The following RAPGEF2 variants were observed in gnomAD, a reference collection of about 807,000 sequenced individuals.
RAPGEF2 encodes the protein PDZ domain containing guanine nucleotide exchange factor (GEF) 1.
RAPGEF2 carries 54 observed loss-of-function variants against 186.7 expected under a neutral mutation model. The ratio of observed to expected loss-of-function variants is 0.29; its 90% confidence interval spans 0.23 to 0.36. The LOEUF is 0.36. RAPGEF2 is among the 10% of genes least tolerant of loss of function. RAPGEF2 has a pLI of 1.00. For missense variants in RAPGEF2, 1,532 were observed against 2,045.0 expected (o/e 0.75, Z 4.84); for synonymous variants, 712 against 705.9 (o/e 1.01, Z -0.14).
intron 1 of RAPGEF2, among the ~76,000 whole-genome samples, chr4:159,140,963 C>T (rs1241680850): frequency 2.0e-5 from 3 of 152,008 alleles, no homozygotes; most frequent in Admixed American, 6.6e-5. Flanking sequence ...TTCTGAAGAG[C>T]TGGGACTGGA....
At chr4:159,198,221 CT>C (rs1014954155) in intron 3 of RAPGEF2, among the ~76,000 whole-genome samples, 4 of 149,786 alleles carry the variant, frequency 2.7e-5, no homozygotes, top group African/African-American at 9.8e-5. Context: ...GCGATTCTTT[CT>C]TTTATTTTCT....
chr4:159,186,190 A>C (rs976278647), intron 1 of RAPGEF2, among the ~76,000 whole-genome samples: 2 of 151,828 alleles, frequency 1.3e-5, no homozygotes, highest in African/African-American at 4.8e-5. Flanking sequence ...TATAAGATGT[A>C]ATTTTGGTAA....
rs80253892 is a variant in RAPGEF2, at chr4:159,173,329, A to G, written c.70-13313A>G. On this transcript the variant is annotated intron_variant, in intron 1 of 29. Transcript: ENST00000691494. ...ATTCCGCTTTGCTTTTATTAAGACTATCTAAACTCTACCGTGGTAGGACTA... is the reference window on the plus strand; with the variant it reads ...ATTCCGCTTTGCTTTTATTAAGACTGTCTAAACTCTACCGTGGTAGGACTA... 9.9e-3 allele frequency among the ~76,000 whole-genome samples: 1,505 copies of G among 152,288 alleles called. 29 individuals are homozygous for G. The highest frequency in any genetic ancestry group is 0.035 in the African/African-American group (1,434 of 41,562).
Position 159,141,673 on chromosome 4 carries a change from C to G in RAPGEF2, c.69+37442C>G, listed in dbSNP as rs28493064. Among the ~76,000 whole-genome samples, 1,487 of 152,100 alleles carry G rather than the reference C, an allele frequency of 9.8e-3. 29 individuals are homozygous for G. Among genetic ancestry groups the G allele is most frequent in the African/African-American group, 0.034 (1,414 of 41,494 alleles). ...AGCCTGTACCAGTTTATATTTCCAC[C>G]AACAGTGTATAAAAAGTCCATGCCA... On this transcript the variant is annotated intron_variant, in intron 1 of 29. Transcript: ENST00000691494.
intron 7 of RAPGEF2, among the ~76,000 whole-genome samples, chr4:159,278,686 A>T (rs1759258279): frequency 6.6e-6 from 1 of 152,214 alleles, no homozygotes; most frequent in Non-Finnish European, 1.5e-5. Flanking sequence ...AAAACTCCAG[A>T]ACCAGTAACT....
chr4:159,267,026 A>AG (rs934117520), intron 7 of RAPGEF2: 5 of 398,960 alleles, frequency 1.3e-5, no homozygotes, highest in African/African-American at 1.0e-4. Flanking sequence ...TAAGTAGAGG[A>AG]GGGGGCGAGT....
At chr4:159,124,242 C>T (rs181063442) in intron 1 of RAPGEF2, among the ~76,000 whole-genome samples, 3 of 151,874 alleles carry the variant, frequency 2.0e-5, no homozygotes, top group African/African-American at 7.2e-5. Flanking sequence ...TTTCAGGGCA[C>T]AATATCTAGT....
intron 4 of RAPGEF2, among the ~76,000 whole-genome samples, chr4:159,237,842 T>TAAAAAAAAAAAAAA (rs58593781): frequency 1.5e-5 from 1 of 66,942 alleles, no homozygotes; most frequent in African/African-American, 5.5e-5. Context: ...CTACAAAAAT[T>TAAAAAAAAAAAAAA]AAAAAAAAAA....
At chr4:159,137,519 A>G (rs1741849448) in intron 1 of RAPGEF2, among the ~76,000 whole-genome samples, 1 of 152,194 alleles carries the variant, frequency 6.6e-6, no homozygotes, top group Non-Finnish European at 1.5e-5. Flanking sequence ...ACATGAGATT[A>G]GGGCTTCAGT....
At chr4:159,347,383 G>A (rs1438143379) in intron 25 of RAPGEF2, among the ~76,000 whole-genome samples, 1 of 152,162 alleles carries the variant, frequency 6.6e-6, no homozygotes, top group Non-Finnish European at 1.5e-5. Context: ...ATTGTCTGAA[G>A]GTAAATTCTT....
intron 1 of RAPGEF2, among the ~76,000 whole-genome samples, chr4:159,185,993 C>T (rs948437920): frequency 6.6e-6 from 1 of 152,006 alleles, no homozygotes; most frequent in African/African-American, 2.4e-5. Context: ...AATACTAAAT[C>T]CTTTCTGGCT....
intron 4 of RAPGEF2, among the ~76,000 whole-genome samples, chr4:159,215,380 G>C (rs1750901276): frequency 6.6e-6 from 1 of 151,446 alleles, no homozygotes; most frequent in African/African-American, 2.4e-5. Flanking sequence ...TTCTTGCTGT[G>C]TTGCACAGGC....
chr4:159,294,711 C>T (rs555092952), intron 7 of RAPGEF2, among the ~76,000 whole-genome samples: 78 of 147,486 alleles, frequency 5.3e-4, no homozygotes, highest in Non-Finnish European at 1.0e-3. Context: ...TCTGTCCGTC[C>T]TTCCATCCTT....
chr4:159,259,964 T>G (rs1289182846), intron 7 of RAPGEF2, among the ~76,000 whole-genome samples: 1 of 152,110 alleles, frequency 6.6e-6, no homozygotes, highest in East Asian at 1.9e-4. Context: ...TATTGTCCTA[T>G]TATCACTGTA....
chr4:159,116,294 A>G (rs1739047871), intron 1 of RAPGEF2, among the ~76,000 whole-genome samples: 1 of 151,894 alleles, frequency 6.6e-6, no homozygotes, highest in African/African-American at 2.4e-5. Flanking sequence ...ACAATTCTCA[A>G]AAGAAGACAT....
At chr4:159,313,046 G>A (rs916177786) in intron 8 of RAPGEF2, among the ~76,000 whole-genome samples, 3 of 152,156 alleles carry the variant, frequency 2.0e-5, no homozygotes, top group African/African-American at 4.8e-5. Context: ...TACTCGGGAG[G>A]CTGAGGCATG....
At chr4:159,196,970 A>T (rs1396089335) in intron 3 of RAPGEF2, among the ~76,000 whole-genome samples, 1 of 152,192 alleles carries the variant, frequency 6.6e-6, no homozygotes, top group Non-Finnish European at 1.5e-5. Flanking sequence ...AAGTTAGAGA[A>T]AATTAGCTCA....
At chr4:159,205,016 A>G (rs1432552449) in intron 3 of RAPGEF2, among the ~76,000 whole-genome samples, 6 of 152,350 alleles carry the variant, frequency 3.9e-5, no homozygotes, top group Non-Finnish European at 7.3e-5. Flanking sequence ...TTTTAAAAAA[A>G]AATTATTTGA....
At chr4:159,133,807 T>G (rs1462821063) in intron 1 of RAPGEF2, among the ~76,000 whole-genome samples, 2 of 152,104 alleles carry the variant, frequency 1.3e-5, no homozygotes, top group African/African-American at 4.8e-5. Context: ...ATGGTCTCGA[T>G]CTCCTGACCT....
Sources: allele counts gnomAD v4.1 joint callset (sites outside exome capture counted in the v4.1 genomes callset), GRCh38; gene constraint gnomAD v4.1.1; transcripts MANE v1.5; gene names NCBI Gene and HGNC (gene_info 2026-07-23, HGNC 2026-07-21).